BBS2: variants seen among roughly 807,000 people sequenced by gnomAD.
BBS2 encodes the protein Bardet-Biedl syndrome 2.
Under a neutral mutation model 83.0 loss-of-function variants are expected in BBS2, and 62 were observed. The observed-to-expected ratio is 0.75, with a 90% CI of 0.61 to 0.92. The LOEUF is 0.92. Ranked by LOEUF, BBS2 falls within the 40% of genes least tolerant of loss-of-function variation. The probability of loss-of-function intolerance (pLI) is 0.00; values close to 1 mark genes in which losing one functional copy is unlikely to be tolerated. For synonymous variants in BBS2, 303 were observed against 326.1 expected (o/e 0.93, Z 0.76); for missense variants, 784 against 901.0 (o/e 0.87, Z 1.66).
rs147413665 is a variant in BBS2 at position 56,470,618 on chromosome 16, C to T, written c.*78G>A. On this transcript the variant is annotated 3_prime_UTR_variant, in exon 18 of 18. Coordinates refer to the BBS2 transcript ENST00000682047. Reference sequence around the variant, plus strand: ...CTGAAGCTTCATTTCTTGGCCCCTTCGGAAGAAGATGAGATGAATGATAAA... The same window carrying T: ...CTGAAGCTTCATTTCTTGGCCCCTTTGGAAGAAGATGAGATGAATGATAAA... 51 of 1,614,082 alleles carry T rather than the reference C, an allele frequency of 3.2e-5. No homozygotes were observed. In the East Asian group the frequency reaches 3.6e-4, roughly 11 times the overall value.
chr16:56,509,687 T>C, intron 5 of BBS2: 2 of 431,754 alleles, frequency 4.6e-6, no homozygotes, highest in South Asian at 4.8e-5. Flanking sequence ...ATTATTTGCA[T>C]GTATTAACTC....
intron 12 of BBS2, chr16:56,498,828 G>A (rs550435836): frequency 2.5e-6 from 2 of 812,736 alleles, no homozygotes; most frequent in South Asian, 3.4e-5. Flanking sequence ...TGGCCCCACA[G>A]CAGACATGAT....
downstream of BBS2, among the ~76,000 whole-genome samples, chr16:56,480,767 C>T (rs1240811882): frequency 2.6e-5 from 4 of 152,146 alleles, no homozygotes; most frequent in Non-Finnish European, 4.4e-5. Context: ...TGAAAAGGGT[C>T]GAGGAGATCT....
downstream of BBS2, among the ~76,000 whole-genome samples, chr16:56,480,366 C>CAAAAAACA (rs1963638420): frequency 2.9e-4 from 26 of 90,216 alleles, 1 homozygote; most frequent in South Asian, 7.4e-4. Context: ...AAAAAAAAAA[C>CAAAAAACA]AAAAAAAAAA....
intron 11 of BBS2, chr16:56,500,599 T>C (rs1254598464): frequency 4.7e-6 from 2 of 429,746 alleles, no homozygotes; most frequent in Non-Finnish European, 4.2e-6. Flanking sequence ...TACTCCAGCC[T>C]GGGTGACAAA....
chr16:56,498,325 A>T, intron 13 of BBS2, 112 bp downstream of exon 13: 2 of 1,388,908 alleles, frequency 1.4e-6, no homozygotes, highest in Non-Finnish European at 2.0e-6. Flanking sequence ...CTCACTTTGG[A>T]CTGAATGGTA....
downstream of BBS2, among the ~76,000 whole-genome samples, chr16:56,479,518 C>T (rs1446079284): frequency 1.3e-5 from 2 of 152,192 alleles, no homozygotes; most frequent in African/African-American, 4.8e-5. Flanking sequence ...ATATAAATAA[C>T]ACATGCTCAT....
chr16:56,482,562 A>G (rs1185470994), downstream of BBS2, among the ~76,000 whole-genome samples: 1 of 152,168 alleles, frequency 6.6e-6, no homozygotes, highest in Non-Finnish European at 1.5e-5. Flanking sequence ...CAAAAGTATT[A>G]GCATATTCTC....
At chr16:56,511,579 T>C (rs558324216) in intron 2 of BBS2, among the ~76,000 whole-genome samples, 12 of 152,320 alleles carry the variant, frequency 7.9e-5, no homozygotes, top group African/African-American at 2.9e-4. Context: ...ACAGCCTTTG[T>C]ACTTGAGCTT....
At chr16:56,516,366 C>G (rs1964749355) in intron 1 of BBS2, among the ~76,000 whole-genome samples, 1 of 152,154 alleles carries the variant, frequency 6.6e-6, no homozygotes, top group African/African-American at 2.4e-5. Flanking sequence ...GAGGAAAACT[C>G]TAATATTCAC....
chr16:56,506,036 A>T lies in BBS2; in HGVS notation c.718T>A (p.Ser240Thr). Residue 240 changes from serine to threonine, a missense_variant and splice_region_variant, in exon 7 of 17, where the codon TCG (serine) becomes ACG (threonine). Transcript: ENST00000245157. ...TGAATGCTCATGGCATGATTTTTCG[A>T]CTGAAAAAGAATTTTAATAATTAGC... The part of the protein sequence containing the change: ...DKTSRYWRIK[S>T]KNHAMSIHAF... 1 of 1,613,756 alleles carries T rather than the reference A, an allele frequency of 6.2e-7. No homozygotes were observed.
intron 5 of BBS2, 83 bp from the exon 6 acceptor site, chr16:56,506,307 T>C: frequency 1.0e-6 from 1 of 1,004,138 alleles, no homozygotes; most frequent in Non-Finnish European, 1.6e-6. Flanking sequence ...GACTTCACAC[T>C]CCTTGTTACA....
At chr16:56,477,316 G>A (rs1378683364) in intron 17 of BBS2, 7 of 152,142 alleles carry the variant, frequency 4.6e-5, no homozygotes, top group African/African-American at 1.2e-4. Flanking sequence ...ACAGTACAGT[G>A]TAGGCTTAGT....
chr16:56,497,201 A>G (rs753661845), intron 14 of BBS2, 122 bp from the exon 15 acceptor site: 13 of 754,804 alleles, frequency 1.7e-5, no homozygotes, highest in Non-Finnish European at 4.8e-6. Flanking sequence ...GCTTATACCA[A>G]TTAAGCTACT....
rs143256224 is a variant in BBS2, at chr16:56,512,374, A to G, written c.346-1090T>C. Among the ~76,000 whole-genome samples, 539 of 152,318 alleles carry G rather than the reference A, an allele frequency of 3.5e-3. 5 individuals carry two copies. The highest frequency in any genetic ancestry group is 0.026 in the East Asian group (132 of 5,176). On this transcript the variant is annotated intron_variant, in intron 2 of 16. Transcript: ENST00000245157. ...GATAAATTAAAACATATATCTACAA[A>G]AAGTCTTATATAAAAAAGTCTTATT... is the stretch of plus-strand genomic sequence containing the variant.
chr16:56,480,343 A>C (rs1963630071), downstream of BBS2, among the ~76,000 whole-genome samples: 2 of 126,486 alleles, frequency 1.6e-5, no homozygotes, highest in Non-Finnish European at 3.2e-5. Context: ...CCCCTCACAC[A>C]CACACACACA....
intron 17 of BBS2, among the ~76,000 whole-genome samples, chr16:56,471,545 G>A (rs1963185136): frequency 6.6e-6 from 1 of 152,188 alleles, no homozygotes; most frequent in Admixed American, 6.5e-5. Flanking sequence ...CAGCTTAGAT[G>A]TTTCAGCACT....
At chr16:56,473,914 C>G (rs1290960502) in intron 17 of BBS2, among the ~76,000 whole-genome samples, 2 of 151,996 alleles carry the variant, frequency 1.3e-5, no homozygotes, top group Non-Finnish European at 2.9e-5. Flanking sequence ...TCAAGCGATT[C>G]TCATGCCTCA....
At chr16:56,501,758 T>C (rs542900707) in intron 9 of BBS2, 5 of 500,896 alleles carry the variant, frequency 1.0e-5, no homozygotes, top group African/African-American at 1.9e-5. Flanking sequence ...TTTTGAAGTA[T>C]TGTTCTTTTA....
Sources: gnomAD v4.1 joint callset for allele counts (sites outside exome capture counted in the v4.1 genomes callset) on GRCh38, gnomAD v4.1.1 for gene constraint, MANE v1.5 for transcripts, NCBI Gene and HGNC (gene_info 2026-07-23, HGNC 2026-07-21) for gene names.